Variants in YEATS4 observed in about 807,000 individuals in gnomAD.
The protein encoded by YEATS4 is YEATS domain-containing protein 4.
Under a neutral mutation model 30.1 loss-of-function variants are expected in YEATS4, and 17 were observed. The ratio of observed to expected loss-of-function variants is 0.56; its 90% confidence interval spans 0.39 to 0.85. The LOEUF (loss-of-function observed/expected upper bound fraction) is 0.85, where lower values mean the gene tolerates loss of function less well. Ranked by LOEUF, YEATS4 falls within the 40% of genes least tolerant of loss-of-function variation. The probability of loss-of-function intolerance (pLI) is 0.00; values close to 1 mark genes in which losing one functional copy is unlikely to be tolerated. For missense variants in YEATS4, 142 were observed against 268.3 expected, an observed-to-expected ratio of 0.53 and a Z score of 3.29; for synonymous variants, 85 against 87.5, an observed-to-expected ratio of 0.97 and a Z score of 0.16.
chr12:69,424,226 CT>C, the YEATS4 span, among the ~76,000 whole-genome samples: 1 of 152,148 alleles, frequency 6.6e-6, no homozygotes, highest in Non-Finnish European at 1.5e-5. Flanking sequence ...GATTAGTTGG[CT>C]TTTTTGTTAA....
At chr12:69,415,600 C>T in the YEATS4 span, among the ~76,000 whole-genome samples, 1 of 152,130 alleles carries the variant, frequency 6.6e-6, no homozygotes, top group Non-Finnish European at 1.5e-5. Flanking sequence ...GCAATGGACC[C>T]AGTGACAGTA....
the YEATS4 span, among the ~76,000 whole-genome samples, chr12:69,411,921 T>A: frequency 6.6e-6 from 1 of 151,548 alleles, no homozygotes; most frequent in East Asian, 1.9e-4. Flanking sequence ...CACGTAGGGG[T>A]TTGGGGTTCA....
At chr12:69,389,860 A>T (rs980998542) in intron 6 of YEATS4, among the ~76,000 whole-genome samples, 2 of 151,988 alleles carry the variant, frequency 1.3e-5, no homozygotes, top group Non-Finnish European at 2.9e-5. Context: ...CCCTTATTTC[A>T]ATCTTAATAT....
At chr12:69,393,220 C>G (rs1185253012), downstream of YEATS4, among the ~76,000 whole-genome samples, 1 of 152,076 alleles carries the variant, frequency 6.6e-6, no homozygotes, top group African/African-American at 2.4e-5. Context: ...GGCTGAGGAT[C>G]TCTTGAGGGC....
chr12:69,383,157 A>G (rs1414535576), intron 6 of YEATS4, among the ~76,000 whole-genome samples: 1 of 152,118 alleles, frequency 6.6e-6, no homozygotes, highest in East Asian at 1.9e-4. Flanking sequence ...CCAGCTACTC[A>G]GGAGGCTGAG....
rs141756317 is a variant in YEATS4, at chr12:69,381,748, G to A, written c.515-8399G>A. Among the ~76,000 whole-genome samples, 221 of 152,212 alleles carry A rather than the reference G, an allele frequency of 1.5e-3. 2 individuals are homozygous for A. The East Asian group carries it at 0.033, about 23-fold the overall frequency. ...TGCCATGGCTTCAGCCGTTCCCTCCGTTCGGGGTTCCTGACTTCCCGCAAC... is the reference window on the plus strand; with the variant it reads ...TGCCATGGCTTCAGCCGTTCCCTCCATTCGGGGTTCCTGACTTCCCGCAAC... On this transcript the variant is annotated intron_variant, in intron 6 of 6. Coordinates refer to ENST00000247843, the MANE Select transcript of YEATS4 (RefSeq NM_006530.4).
At chr12:69,364,454 T>A (rs1269021221) in intron 2 of YEATS4, among the ~76,000 whole-genome samples, 1 of 152,222 alleles carries the variant, frequency 6.6e-6, no homozygotes, top group East Asian at 1.9e-4. Flanking sequence ...TTTATTCTTC[T>A]ATAATGAATT....
At chr12:69,398,427 A>G in the YEATS4 span, among the ~76,000 whole-genome samples, 13 of 152,170 alleles carry the variant, frequency 8.5e-5, no homozygotes, top group Non-Finnish European at 1.8e-4. Flanking sequence ...CAATCTGAAA[A>G]TAAAAATTTT....
chr12:69,417,745 G>A, the YEATS4 span, among the ~76,000 whole-genome samples: 6,376 of 151,552 alleles, frequency 0.042, 190 homozygotes, highest in Non-Finnish European at 0.064. Context: ...AACAGCAGCC[G>A]CTTGTTACTG....
chr12:69,360,255 A>C (rs1232689204), intron 1 of YEATS4, among the ~76,000 whole-genome samples: 1 of 152,136 alleles, frequency 6.6e-6, no homozygotes, highest in Non-Finnish European at 1.5e-5. Flanking sequence ...ACAAACAGAT[A>C]AATGGTGGCT....
chr12:69,413,244 C>T, the YEATS4 span, among the ~76,000 whole-genome samples: 4 of 150,840 alleles, frequency 2.7e-5, no homozygotes, highest in Admixed American at 6.6e-5. Flanking sequence ...GAGACTTTGT[C>T]TCTACAAACA....
chr12:69,401,149 T>A, the YEATS4 span: 1 of 151,684 alleles, frequency 6.6e-6, no homozygotes. Flanking sequence ...GGATCATACC[T>A]GTGAATAGAC....
chr12:69,387,784 A>G (rs955608136), intron 6 of YEATS4, among the ~76,000 whole-genome samples: 2 of 152,208 alleles, frequency 1.3e-5, no homozygotes, highest in Admixed American at 6.5e-5. Context: ...AGAGAACACA[A>G]CAGTGATTAT....
rs769326153 is a variant in YEATS4 at position 69,359,966 on chromosome 12, G to A, written c.-7G>A. 4 of 1,612,552 alleles carry A rather than the reference G, an allele frequency of 2.5e-6. No homozygotes were observed. Among genetic ancestry groups the A allele is most frequent in the Middle Eastern group, 1.6e-4 (1 of 6,076 alleles). On this transcript the variant is annotated 5_prime_UTR_variant, in exon 1 of 7. Coordinates refer to ENST00000247843, the MANE Select transcript of YEATS4 (RefSeq NM_006530.4). The stretch of plus-strand genomic sequence containing the variant: ...CCTGGCGGCGGCGGCTTCTTCCGTG[G>A]GACAATATGTTCAAGAGAATGGCCG...
the YEATS4 span, among the ~76,000 whole-genome samples, chr12:69,407,618 A>G: frequency 4.6e-5 from 7 of 151,424 alleles, no homozygotes; most frequent in East Asian, 1.4e-3. Context: ...ATTGTGAACC[A>G]TAGCACTGAG....
At chr12:69,368,750 G>C (rs1875530798) in intron 4 of YEATS4, among the ~76,000 whole-genome samples, 2 of 152,032 alleles carry the variant, frequency 1.3e-5, no homozygotes, top group South Asian at 4.1e-4. Context: ...ATGTTCCTTG[G>C]CTTTTGGCAA....
intron 4 of YEATS4, 45 bp from the exon 5 acceptor site, chr12:69,370,661 G>T: frequency 6.9e-7 from 1 of 1,449,452 alleles, no homozygotes; most frequent in Non-Finnish European, 9.2e-7. Context: ...ATCTTATGAT[G>T]ATAAAAACCA....
In YEATS4 at chr12:69,386,930, A is replaced by C. The variant is rs1300050929; in HGVS notation, c.515-3217A>C. Among the ~76,000 whole-genome samples the C allele has an allele frequency of 2.0e-5, 3 of 152,184 alleles. No individual in the cohort carries two copies. The South Asian group carries it at 6.2e-4, about 31-fold the overall frequency. On this transcript the variant is annotated intron_variant, in intron 6 of 6. Coordinates refer to ENST00000247843, the MANE Select transcript of YEATS4 (RefSeq NM_006530.4). ...GGCACAATAAAAGATTAACAACACT[A>C]ATTAATAAAATAGAACATTATAACA...
At chr12:69,414,062 A>G in the YEATS4 span, among the ~76,000 whole-genome samples, 1 of 151,642 alleles carries the variant, frequency 6.6e-6, no homozygotes, top group African/African-American at 2.4e-5. Context: ...TCATCTATCT[A>G]CTCTCTAAAA....
Sources: allele counts gnomAD v4.1 joint callset (sites outside exome capture counted in the v4.1 genomes callset), GRCh38; gene constraint gnomAD v4.1.1; transcripts MANE v1.5; gene names NCBI Gene and HGNC (gene_info 2026-07-23, HGNC 2026-07-21).